The following F9 variants were observed in gnomAD, a reference collection of about 807,000 sequenced individuals.
F9 encodes Christmas factor.
A neutral mutation model predicts 34.1 loss-of-function variants in F9; 2 were observed. That is an observed-to-expected ratio of 0.06 (90% CI 0.02 to 0.18). The LOEUF is 0.18. F9 is among the 10% of genes least tolerant of loss of function. The probability of loss-of-function intolerance (pLI) is 1.00; values close to 1 mark genes in which losing one functional copy is unlikely to be tolerated. For missense variants in F9, 216 were observed against 345.1 expected (o/e 0.63, Z 2.96); for synonymous variants, 137 against 118.8 (o/e 1.15, Z -1.00).
chrX:139,532,945 C>T (rs1401124712), intron 1 of F9, among the ~76,000 whole-genome samples: 6 of 110,789 alleles, frequency 5.4e-5, no homozygotes, highest in African/African-American at 1.6e-4. Context: ...ATGGAGGTAT[C>T]GAAGTATAAA....
rs761784613 is a variant in F9 at position 139,561,828 on chromosome X, A to G, written c.1143A>G (p.Thr381=). The part of the protein sequence containing the change: ...YLRVPLVDRA[T]CLRSTKFTIY... Reference sequence around the variant, plus strand: ...GAGTTCCACTTGTTGACCGAGCCACATGTCTTCGATCTACAAAGTTCACCA... The same window carrying G: ...GAGTTCCACTTGTTGACCGAGCCACGTGTCTTCGATCTACAAAGTTCACCA... Residue 381 remains threonine, a synonymous_variant, in exon 8 of 8, where the codon ACA becomes ACG. Transcript: ENST00000218099. 22 of 1,210,235 alleles carry G rather than the reference A, an allele frequency of 1.8e-5. No individual in the cohort carries two copies. In the African/African-American group the frequency reaches 3.5e-4, roughly 19 times the overall value.
intron 6 of F9, among the ~76,000 whole-genome samples, chrX:139,556,768 G>T (rs1210384399): frequency 1.8e-5 from 2 of 112,375 alleles, no homozygotes; most frequent in Non-Finnish European, 3.8e-5. Context: ...AAAAACCAAA[G>T]TGAGCATCCC....
At chrX:139,558,669 C>A in intron 6 of F9, among the ~76,000 whole-genome samples, 1 of 112,370 alleles carries the variant, frequency 8.9e-6, no homozygotes, top group Non-Finnish European at 1.9e-5. Flanking sequence ...CTGAGCCCCA[C>A]AAAGTATGTA....
chrX:139,541,906 C>T (rs1024967790), intron 4 of F9, among the ~76,000 whole-genome samples: 2 of 111,725 alleles, frequency 1.8e-5, no homozygotes, highest in Non-Finnish European at 3.8e-5. Context: ...CCCCAGTGTC[C>T]CTTACCTACT....
At chrX:139,549,657 C>A in intron 5 of F9, among the ~76,000 whole-genome samples, 1 of 112,506 alleles carries the variant, frequency 8.9e-6, no homozygotes, top group Non-Finnish European at 1.9e-5. Flanking sequence ...TTAAGAACAC[C>A]TTTAAGCAGT....
chrX:139,544,632 T>TC (rs1360864694), intron 4 of F9: 2 of 111,146 alleles, frequency 1.8e-5, no homozygotes, highest in African/African-American at 6.6e-5. Context: ...TAGCCTGTGT[T>TC]CCCCCAGAAA....
At chrX:139,543,283 T>C (rs1927644259) in intron 4 of F9, among the ~76,000 whole-genome samples, 1 of 111,321 alleles carries the variant, frequency 9.0e-6, no homozygotes, top group Non-Finnish European at 1.9e-5. Context: ...AATTGGCTAT[T>C]GGGTCCCTTT....
intron 6 of F9, among the ~76,000 whole-genome samples, chrX:139,555,419 C>A (rs4149721): frequency 0.031 from 3,455 of 112,865 alleles, 131 homozygotes; most frequent in African/African-American, 0.11. Context: ...CAAGGGCCAA[C>A]GCAGCCGCGC....
intron 1 of F9, among the ~76,000 whole-genome samples, chrX:139,531,627 G>A (rs957068117): frequency 5.3e-5 from 6 of 112,313 alleles, no homozygotes; most frequent in Non-Finnish European, 1.1e-4. Flanking sequence ...GTGACTTTAT[G>A]TATTTCCCAG....
At chrX:139,544,494 T>C (rs1193485353) in intron 4 of F9, among the ~76,000 whole-genome samples, 2 of 111,080 alleles carry the variant, frequency 1.8e-5, no homozygotes, top group Non-Finnish European at 3.8e-5. Context: ...CTTTATCTCC[T>C]GAAGTATCCG....
At chrX:139,536,290 T>C (rs746885014) in intron 1 of F9, among the ~76,000 whole-genome samples, 3 of 101,011 alleles carry the variant, frequency 3.0e-5, no homozygotes, top group Admixed American at 2.2e-4. Context: ...CACACACACA[T>C]AGAGAGAGAG....
chrX:139,530,874 A>ACAT, intron 1 of F9, 22 bp downstream of exon 1: 1 of 1,096,218 alleles, frequency 9.1e-7, no homozygotes, highest in Non-Finnish European at 1.3e-6. Flanking sequence ...TTTTTAAAAT[A>ACAT]CATTGAGTAT....
chrX:139,534,158 T>C (rs1003348283), intron 1 of F9, among the ~76,000 whole-genome samples: 1 of 111,802 alleles, frequency 8.9e-6, no homozygotes, highest in African/African-American at 3.2e-5. Context: ...ACAGAAGTTA[T>C]TAAAGAGCTA....
chrX:139,532,347 G>A (rs769069917), intron 1 of F9, among the ~76,000 whole-genome samples: 1 of 111,836 alleles, frequency 8.9e-6, no homozygotes, highest in African/African-American at 3.2e-5. Context: ...AAGGAGTTTC[G>A]GTGAGTGATT....
chrX:139,537,159 A>C lies in F9; in HGVS notation c.238A>C (p.Asn80His). 1 of 1,210,667 alleles carries C rather than the reference A, an allele frequency of 8.3e-7. No individual in the cohort carries two copies. The highest frequency in any genetic ancestry group is 1.1e-6 in the Non-Finnish European group (1 of 894,623). ...TGAAGAAGCACGAGAAGTTTTTGAA[A>C]ACACTGAAAGAACAGTGAGTATTTC... ...SFEEAREVFE[N>H]TERTTEFWKQ... Residue 80 changes from asparagine to histidine, a missense_variant, in exon 2 of 8, where the codon AAC becomes CAC. Around this residue, in one of 2 missense-constraint regions of F9, gnomAD observed 177 missense variants for 311.8 expected, o/e 0.57. Coordinates refer to ENST00000218099, the MANE Select transcript of F9 (RefSeq NM_000133.4).
chrX:139,541,757 A>T (rs1221790881), intron 4 of F9, among the ~76,000 whole-genome samples: 2 of 112,335 alleles, frequency 1.8e-5, no homozygotes, highest in East Asian at 5.6e-4. Context: ...TGTTGACAAC[A>T]TTCAAAGCTC....
Position 139,534,744 on chromosome X carries a change from T to C in F9, c.89-2266T>C, listed in dbSNP as rs906414594. On this transcript the variant is annotated intron_variant, in intron 1 of 7. Transcript: ENST00000218099. ...CTTGAGCATCCACAGATCTTGATATTTGCAGGGGGTCTTGCCACCAATTTT... is the reference window on the plus strand; with the variant it reads ...CTTGAGCATCCACAGATCTTGATATCTGCAGGGGGTCTTGCCACCAATTTT... Among the ~76,000 whole-genome samples, 3 of 111,561 alleles carry C rather than the reference T, an allele frequency of 2.7e-5. No homozygotes were observed. In the Admixed American group the frequency reaches 2.9e-4, roughly 11 times the overall value.
chrX:139,544,363 T>C (rs1467148314), intron 4 of F9, among the ~76,000 whole-genome samples: 2 of 110,208 alleles, frequency 1.8e-5, no homozygotes, highest in Non-Finnish European at 3.8e-5. Context: ...AATTAATTAA[T>C]TAATTAATTA....
Position 139,537,217 on chromosome X carries a change from T to C in F9, c.252+44T>C, listed in dbSNP as rs73588079. On this transcript the variant is annotated intron_variant, in intron 2 of 7. Transcript: ENST00000218099. ...TACCCTTCAGATGCAGAGCATAGAA[T>C]AGAAAATCTTTAAAAAGACACTTCT... The C allele has an allele frequency of 1.8e-4, 214 of 1,174,750 alleles. No homozygotes were observed. In the African/African-American group the frequency reaches 3.4e-3, roughly 19 times the overall value.
Sources: gnomAD v4.1 joint callset for allele counts (sites outside exome capture counted in the v4.1 genomes callset) on GRCh38, gnomAD v4.1.1 for gene constraint, gnomAD v4.1.1 regional missense constraint, MANE v1.5 for transcripts, NCBI Gene and HGNC (gene_info 2026-07-23, HGNC 2026-07-21) for gene names.